Variants in CEP72 observed in about 807,000 individuals in gnomAD.
CEP72 encodes centrosomal protein 72.
A neutral mutation model predicts 65.7 loss-of-function variants in CEP72; 78 were observed. The ratio of observed to expected loss-of-function variants is 1.19; its 90% CI spans 0.99 to 1.43. The LOEUF is 1.43. CEP72 is among the 40% of genes most tolerant of loss of function. The pLI is 0.00. For missense variants in CEP72, 914 were observed against 832.9 expected (o/e 1.10, Z -1.20); for synonymous variants, 358 against 351.7 (o/e 1.02, Z -0.20).
rs1739227239 is a variant in CEP72 at position 653,215 on chromosome 5, T to G, written c.*62T>G. On this transcript the variant is annotated 3_prime_UTR_variant, in exon 12 of 12. Transcript: ENST00000264935. Reference sequence around the variant, plus strand: ...TGGTAAAGTTACATTGTCTGCACCTTTGTACTTCTTTATTGAGTGTACTGG... The same window carrying G: ...TGGTAAAGTTACATTGTCTGCACCTGTGTACTTCTTTATTGAGTGTACTGG... 1.4e-6 allele frequency: 2 copies of G among 1,449,616 alleles called. No individual in the cohort carries two copies. The highest frequency in any genetic ancestry group is 4.8e-5 in the Admixed American group (2 of 41,702). 89.8% of individuals were successfully genotyped at this position (1,449,616 alleles called of 1,614,324 possible).
downstream of CEP72, among the ~76,000 whole-genome samples, chr5:658,326 AGCCTCCCTGAGGCCTCCCG>A (rs1200633620): frequency 6.6e-6 from 1 of 152,174 alleles, no homozygotes; most frequent in Non-Finnish European, 1.5e-5. Context: ...TCATCTCCAG[AGCCTCCCTGAGGCCTCCCG>A]GCCTCCTCCC....
rs187181031 is a variant in CEP72 at position 633,974 on chromosome 5, A to G, written c.691+27A>G. 163 of 1,604,506 alleles carry G rather than the reference A, an allele frequency of 1.0e-4. No individual in the cohort carries two copies. The African/African-American group carries it at 1.9e-3, about 19-fold the overall frequency. On this transcript the variant is annotated intron_variant, in intron 5 of 11. Coordinates refer to ENST00000264935, the MANE Select transcript of CEP72 (RefSeq NM_018140.4). ...TGCGCTGCTCATCTGCCAGGAGGCC[A>G]GTGGGTCCGCTGGCTCTGGGATATA...
chr5:642,427 G>A (rs763479297), intron 9 of CEP72: 9 of 985,326 alleles, frequency 9.1e-6, no homozygotes, highest in African/African-American at 1.7e-5. Context: ...ACACGTGACC[G>A]GCTGTCTGGA....
At chr5:617,492 G>A (rs780179859) in intron 1 of CEP72, among the ~76,000 whole-genome samples, 14 of 152,180 alleles carry the variant, frequency 9.2e-5, no homozygotes, top group Non-Finnish European at 1.3e-4. Context: ...ACATGGTCAG[G>A]AAACCACAAG....
intron 3 of CEP72, among the ~76,000 whole-genome samples, chr5:620,574 C>T (rs1193657244): frequency 6.6e-6 from 1 of 152,210 alleles, no homozygotes; most frequent in Non-Finnish European, 1.5e-5. Flanking sequence ...TGGGCACGTT[C>T]CTGAACATCT....
At chr5:612,472 G>T in intron 1 of CEP72, 29 bp downstream of exon 1, 1 of 1,404,488 alleles carries the variant, frequency 7.1e-7, no homozygotes, top group Non-Finnish European at 9.3e-7. Flanking sequence ...GGGGGTGCAA[G>T]CGTGAGGTGG....
chr5:652,117 A>G (rs747607354), intron 11 of CEP72, among the ~76,000 whole-genome samples: 1 of 152,200 alleles, frequency 6.6e-6, no homozygotes, highest in Non-Finnish European at 1.5e-5. Context: ...GGGCAGGGCC[A>G]TGTGACTCCC....
chr5:618,471 A>G (rs7726839), intron 1 of CEP72, among the ~76,000 whole-genome samples: 46,682 of 152,168 alleles, frequency 0.31, 8,411 homozygotes, highest in African/African-American at 0.5. Context: ...AGAGGAAGAA[A>G]TGTTTTGAAT....
rs569783468 is a variant in CEP72, at chr5:652,790, G to C, written c.1779-198G>C. On this transcript the variant is annotated intron_variant, in intron 11 of 11. Coordinates refer to ENST00000264935, the MANE Select transcript of CEP72 (RefSeq NM_018140.4). Reference sequence around the variant, plus strand: ...CTCCAAGGCTGCTCCCAGGGGTCAGGACAGTGGTTGGGAAGGAGGAGGCAG... The same window carrying C: ...CTCCAAGGCTGCTCCCAGGGGTCAGCACAGTGGTTGGGAAGGAGGAGGCAG... 7.9e-5 allele frequency among the ~76,000 whole-genome samples: 12 copies of C among 152,368 alleles called. No individual in the cohort carries two copies. The South Asian group carries it at 2.5e-3, about 32-fold the overall frequency.
the CEP72 span, among the ~76,000 whole-genome samples, chr5:672,293 T>C: frequency 0.71 from 107,999 of 151,742 alleles, 39,737 homozygotes; most frequent in African/African-American, 0.92. Flanking sequence ...GTTCTCAGTC[T>C]CCCACTGGCC....
At chr5:621,142 C>A (rs1053606211) in intron 3 of CEP72, among the ~76,000 whole-genome samples, 1 of 152,170 alleles carries the variant, frequency 6.6e-6, no homozygotes, top group African/African-American at 2.4e-5. Context: ...CCAGACTGCC[C>A]GGCATGGCCA....
At chr5:634,166 A>G (rs1737428256) in intron 5 of CEP72, among the ~76,000 whole-genome samples, 1 of 152,234 alleles carries the variant, frequency 6.6e-6, no homozygotes, top group South Asian at 2.1e-4. Context: ...ATACTGCATG[A>G]TGGTTTAAAT....
rs201565342 is a variant in CEP72 at position 635,485 on chromosome 5, C to T, written c.805C>T (p.Pro269Ser). 3.5e-5 allele frequency: 56 copies of T among 1,614,084 alleles called. No homozygotes were observed. The East Asian group carries it at 1.2e-3, about 35-fold the overall frequency. The change falls in exon 6 of 12, where the codon CCT becomes TCT. Residue 269 changes from proline (P) to serine (S), a missense_variant. Pro to Ser is a moderately conservative substitution (Grantham distance 74). Transcript: ENST00000264935. Reference protein sequence around the residue: ...SCRGCCLEKMPWSQLCGELPP... With the variant: ...SCRGCCLEKMSWSQLCGELPP... ...CAGAGGGTGCTGTCTGGAGAAGATGCCTTGGAGCCAGCTCTGTGGAGAGCT... is the reference window on the plus strand; with the variant it reads ...CAGAGGGTGCTGTCTGGAGAAGATGTCTTGGAGCCAGCTCTGTGGAGAGCT...
At chr5:628,239 T>G (rs1736881542) in intron 4 of CEP72, among the ~76,000 whole-genome samples, 1 of 152,248 alleles carries the variant, frequency 6.6e-6, no homozygotes, top group Non-Finnish European at 1.5e-5. Context: ...CCGTCTTTGA[T>G]CATCTCAAGA....
chr5:642,098 G>GT, intron 9 of CEP72: 1 of 891,990 alleles, frequency 1.1e-6, no homozygotes, highest in South Asian at 5.5e-5. Flanking sequence ...CCAGAAGCCT[G>GT]TGCATTTAAA....
Position 613,377 on chromosome 5 carries a change from GT to G in CEP72, c.82+946del, listed in dbSNP as rs1193041181. 3.7e-3 allele frequency among the ~76,000 whole-genome samples: 544 copies of G among 145,792 alleles called. 1 individual carries two copies. The highest frequency in any genetic ancestry group is 7.2e-3 in the Middle Eastern group (2 of 278). On this transcript the variant is annotated intron_variant, in intron 1 of 11. Coordinates refer to ENST00000264935, the MANE Select transcript of CEP72 (RefSeq NM_018140.4). ...CCATCTCCCCAAGGAGATCTGAGCG[GT>G]TTTTTTTTTTTAGACGGAGTCTCAC...
chr5:648,856 T>TATCAACC, intron 11 of CEP72, among the ~76,000 whole-genome samples: 1 of 13,528 alleles, frequency 7.4e-5, no homozygotes, highest in Non-Finnish European at 1.4e-4. Flanking sequence ...GACTGTGAGG[T>TATCAACC]GTGACTGTGA....
intron 1 of CEP72, chr5:612,674 T>C: frequency 3.3e-6 from 3 of 910,036 alleles, no homozygotes; most frequent in Non-Finnish European, 3.8e-6. Flanking sequence ...GGCCCCTGCC[T>C]GTCTATCGGG....
At chr5:638,968 C>T (rs1737811393) in intron 7 of CEP72, 121 bp from the exon 8 acceptor site, 1 of 1,324,426 alleles carries the variant, frequency 7.6e-7, no homozygotes. Context: ...GGGCTGGGGC[C>T]TCAGGGCACC....
Sources: allele counts gnomAD v4.1 joint callset (sites outside exome capture counted in the v4.1 genomes callset), GRCh38; gene constraint gnomAD v4.1.1; transcripts MANE v1.5; gene names NCBI Gene and HGNC (gene_info 2026-07-23, HGNC 2026-07-21).